Variants in PTPRM observed in about 807,000 individuals in gnomAD.
The protein encoded by PTPRM is receptor-type tyrosine-protein phosphatase mu.
In PTPRM, 47 loss-of-function variants were observed where a neutral mutation model predicts 186.7. That is an observed-to-expected ratio of 0.25 (90% CI 0.20 to 0.32). PTPRM has a LOEUF of 0.32. Ranked by LOEUF, PTPRM falls within the 10% of genes least tolerant of loss-of-function variation. The probability of loss-of-function intolerance (pLI) is 1.00; values close to 1 mark genes in which losing one functional copy is unlikely to be tolerated. For missense variants in PTPRM, 1,494 were observed against 1,865.0 expected (o/e 0.80, Z 3.66); for synonymous variants, 668 against 674.9 (o/e 0.99, Z 0.16).
intron 14 of PTPRM, among the ~76,000 whole-genome samples, chr18:8,229,831 A>G (rs1216790704): frequency 3.3e-5 from 5 of 152,244 alleles, no homozygotes; most frequent in Non-Finnish European, 1.5e-5. Context: ...GGTTATATAT[A>G]TATGTGTGTA....
intron 7 of PTPRM, among the ~76,000 whole-genome samples, chr18:8,044,350 G>A (rs1568239893): frequency 6.6e-6 from 1 of 152,186 alleles, no homozygotes; most frequent in Non-Finnish European, 1.5e-5. Context: ...GCTCTTTTCT[G>A]CAACTAGAGG....
intron 19 of PTPRM, among the ~76,000 whole-genome samples, chr18:8,279,944 G>A (rs773854103): frequency 1.3e-5 from 2 of 152,146 alleles, no homozygotes; most frequent in African/African-American, 2.4e-5. Flanking sequence ...ACAGACACTT[G>A]GAAAGAAAAT....
chr18:8,053,347 T>A (rs994601502), intron 7 of PTPRM, among the ~76,000 whole-genome samples: 14 of 152,188 alleles, frequency 9.2e-5, no homozygotes, highest in Admixed American at 9.2e-4. Context: ...CCCTACATTC[T>A]TTAATTTAAA....
At chr18:8,134,245 T>C (rs1358689755) in intron 13 of PTPRM, among the ~76,000 whole-genome samples, 2 of 152,236 alleles carry the variant, frequency 1.3e-5, no homozygotes, top group Admixed American at 6.5e-5. Flanking sequence ...TTTCTCCATC[T>C]ATACACAGAC....
intron 2 of PTPRM, among the ~76,000 whole-genome samples, chr18:7,887,230 G>A (rs1359026753): frequency 6.6e-6 from 1 of 151,948 alleles, no homozygotes; most frequent in Admixed American, 6.6e-5. Context: ...ATCTTTTACT[G>A]TGTGAAATAT....
chr18:7,789,864 T>C (rs1275545256), intron 2 of PTPRM, among the ~76,000 whole-genome samples: 1 of 152,250 alleles, frequency 6.6e-6, no homozygotes, highest in Non-Finnish European at 1.5e-5. Context: ...TTGCAACCTT[T>C]AAGTAATAAA....
At chr18:7,718,234 C>A (rs974011542) in intron 1 of PTPRM, among the ~76,000 whole-genome samples, 1 of 151,970 alleles carries the variant, frequency 6.6e-6, no homozygotes, top group Non-Finnish European at 1.5e-5. Flanking sequence ...AACAATGAAA[C>A]ATAATAGAGA....
chr18:8,057,498 A>G (rs2088100410), intron 7 of PTPRM, among the ~76,000 whole-genome samples: 2 of 126,166 alleles, frequency 1.6e-5, no homozygotes, highest in South Asian at 2.5e-4. Context: ...ACATGTGCAC[A>G]TTGTGCAGGT....
intron 3 of PTPRM, among the ~76,000 whole-genome samples, chr18:7,891,352 A>AT (rs10657422): frequency 0.26 from 39,251 of 148,408 alleles, 5,277 homozygotes; most frequent in Middle Eastern, 0.43. Flanking sequence ...TAACAGGTAA[A>AT]TTTTTTTTTT....
At chr18:7,673,524 T>C (rs2039265521) in intron 1 of PTPRM, among the ~76,000 whole-genome samples, 2 of 151,616 alleles carry the variant, frequency 1.3e-5, no homozygotes, top group Non-Finnish European at 2.9e-5. Flanking sequence ...CAAACACAAA[T>C]GAAAACACAG....
chr18:8,128,334 G>A (rs2092421966), intron 13 of PTPRM, among the ~76,000 whole-genome samples: 1 of 152,180 alleles, frequency 6.6e-6, no homozygotes, highest in Non-Finnish European at 1.5e-5. Context: ...TTAAATGGCA[G>A]AGGGGGATAT....
At chr18:8,401,689 C>A (rs1193344601) in intron 32 of PTPRM, among the ~76,000 whole-genome samples, 1 of 152,238 alleles carries the variant, frequency 6.6e-6, no homozygotes, top group African/African-American at 2.4e-5. Context: ...AGGCAGCCTG[C>A]GCAGACGACA....
At chr18:8,229,109 A>AT (rs1364649894) in intron 14 of PTPRM, among the ~76,000 whole-genome samples, 2 of 151,974 alleles carry the variant, frequency 1.3e-5, no homozygotes, top group Admixed American at 6.6e-5. Context: ...TTTATCATAT[A>AT]TTTTTTATGA....
chr18:8,162,632 C>G (rs11874546), intron 14 of PTPRM, among the ~76,000 whole-genome samples: 1 of 152,208 alleles, frequency 6.6e-6, no homozygotes. Context: ...ACCCAGAGAT[C>G]ATCTAAGAAC....
chr18:8,392,407 T>G (rs140122822), intron 31 of PTPRM, among the ~76,000 whole-genome samples: 1,593 of 152,008 alleles, frequency 0.01, 17 homozygotes, highest in Non-Finnish European at 0.016. Flanking sequence ...GGCAGATCAC[T>G]AGGTCAGGAG....
chr18:8,320,989 T>G (rs1379547546), intron 22 of PTPRM, among the ~76,000 whole-genome samples: 1 of 152,172 alleles, frequency 6.6e-6, no homozygotes, highest in African/African-American at 2.4e-5. Context: ...CAAGGATGCA[T>G]GTCAGAGTCT....
At chr18:8,229,878 C>G (rs892627543) in intron 14 of PTPRM, among the ~76,000 whole-genome samples, 1 of 151,850 alleles carries the variant, frequency 6.6e-6, no homozygotes, top group East Asian at 1.9e-4. Flanking sequence ...CAGTTACTTG[C>G]TGAAGAGATC....
chr18:8,304,067 T>G (rs368694306), intron 20 of PTPRM, among the ~76,000 whole-genome samples: 464 of 152,326 alleles, frequency 3.0e-3, no homozygotes, highest in African/African-American at 0.011. Flanking sequence ...ACCTTATATA[T>G]GTCACCAGTA....
At chr18:8,371,195 C>A (rs1789090189) in intron 24 of PTPRM, among the ~76,000 whole-genome samples, 189 bp downstream of exon 24, 1 of 152,190 alleles carries the variant, frequency 6.6e-6, no homozygotes, top group Non-Finnish European at 1.5e-5. Flanking sequence ...TAAAACAAAT[C>A]ATTCTCATTT....
Sources: gnomAD v4.1 joint callset for allele counts (sites outside exome capture counted in the v4.1 genomes callset) on GRCh38, gnomAD v4.1.1 for gene constraint, MANE v1.5 for transcripts, NCBI Gene and HGNC (gene_info 2026-07-23, HGNC 2026-07-21) for gene names.